Variants in NCAM2 observed in about 807,000 individuals in gnomAD.
NCAM2 encodes N-CAM-2.
NCAM2 carries 30 observed loss-of-function variants against 98.1 expected under a neutral mutation model. The ratio of observed to expected loss-of-function variants is 0.31; its 90% CI spans 0.23 to 0.41. NCAM2 has a LOEUF of 0.41. Ranked by LOEUF, NCAM2 falls within the 10% of genes least tolerant of loss-of-function variation. The pLI, the probability that NCAM2 is intolerant of heterozygous loss-of-function variation, is 1.00. For synonymous variants in NCAM2, 368 were observed against 342.4 expected, an observed-to-expected ratio of 1.07 and a Z score of -0.83; for missense variants, 867 against 1,005.8, an observed-to-expected ratio of 0.86 and a Z score of 1.87.
At chr21:21,347,663 ATTAC>A (rs1388915920) in intron 8 of NCAM2, among the ~76,000 whole-genome samples, 1 of 152,080 alleles carries the variant, frequency 6.6e-6, no homozygotes, top group Non-Finnish European at 1.5e-5. Context: ...CAAGGCCAGT[ATTAC>A]TTTGATACCT....
intron 1 of NCAM2, among the ~76,000 whole-genome samples, chr21:21,255,505 T>C (rs991737534): frequency 1.3e-5 from 2 of 152,244 alleles, no homozygotes; most frequent in Non-Finnish European, 2.9e-5. Context: ...GTGTTTCTGC[T>C]TCTGTGATGG....
intron 9 of NCAM2, among the ~76,000 whole-genome samples, chr21:21,390,778 T>A (rs919445657): frequency 6.6e-6 from 1 of 152,202 alleles, no homozygotes; most frequent in African/African-American, 2.4e-5. Flanking sequence ...AAAACATTAA[T>A]CACAGGGAAA....
intron 1 of NCAM2, among the ~76,000 whole-genome samples, chr21:21,260,558 C>T (rs928640843): frequency 1.4e-4 from 3 of 21,232 alleles, no homozygotes; most frequent in Non-Finnish European, 2.9e-4. Flanking sequence ...TTTTAGCCTT[C>T]TTGAAGAAAA....
At chr21:21,320,999 T>A (rs1363175118) in intron 5 of NCAM2, among the ~76,000 whole-genome samples, 1 of 152,132 alleles carries the variant, frequency 6.6e-6, no homozygotes, top group Non-Finnish European at 1.5e-5. Flanking sequence ...ATAAACTAAT[T>A]TGCTTTTCAT....
chr21:21,082,972 G>A (rs2065839341), intron 1 of NCAM2, among the ~76,000 whole-genome samples: 3 of 152,222 alleles, frequency 2.0e-5, no homozygotes, highest in Admixed American at 1.3e-4. Context: ...AGAAATCTGA[G>A]TTAGAGGTCT....
chr21:21,068,016 T>C (rs2065476154), intron 1 of NCAM2, among the ~76,000 whole-genome samples: 1 of 152,194 alleles, frequency 6.6e-6, no homozygotes. Flanking sequence ...GAAATAACTT[T>C]CTGATTGAGG....
chr21:21,087,783 T>C (rs955863722), intron 1 of NCAM2, among the ~76,000 whole-genome samples: 5 of 152,140 alleles, frequency 3.3e-5, no homozygotes, highest in Non-Finnish European at 7.3e-5. Flanking sequence ...ACCAGTCTTC[T>C]GTTTGGCTCT....
At chr21:21,378,656 G>A (rs1021400471) in intron 9 of NCAM2, among the ~76,000 whole-genome samples, 7 of 151,840 alleles carry the variant, frequency 4.6e-5, no homozygotes, top group African/African-American at 9.7e-5. Flanking sequence ...GCATACATTC[G>A]CATGTATATG....
intron 11 of NCAM2, among the ~76,000 whole-genome samples, chr21:21,422,266 A>G (rs2145975936): frequency 6.6e-6 from 1 of 152,324 alleles, no homozygotes; most frequent in African/African-American, 2.4e-5. Flanking sequence ...AACAGTGTGT[A>G]CACACATGGA....
At chr21:21,453,278 G>T (rs1239958182) in intron 12 of NCAM2, among the ~76,000 whole-genome samples, 1 of 151,124 alleles carries the variant, frequency 6.6e-6, no homozygotes, top group Non-Finnish European at 1.5e-5. Context: ...GAGTCAGCAG[G>T]GTCTGTGATG....
intron 3 of NCAM2, among the ~76,000 whole-genome samples, chr21:21,285,949 A>G (rs971488432): frequency 1.3e-4 from 19 of 151,920 alleles, no homozygotes; most frequent in African/African-American, 3.4e-4. Flanking sequence ...ACAAACTTGG[A>G]ATGTTCAAGG....
chr21:21,052,229 T>A (rs1215808577), intron 1 of NCAM2, among the ~76,000 whole-genome samples: 1 of 144,012 alleles, frequency 6.9e-6, no homozygotes, highest in Non-Finnish European at 1.5e-5. Context: ...ACTGGCAACA[T>A]CTCGGCCCAC....
At position 21,358,541 on chromosome 21, in the gene NCAM2, A is replaced by ACCC. The variant is rs746857616; in HGVS notation, c.1045-15322_1045-15321insCCC. On this transcript the variant is annotated intron_variant, in intron 8 of 17. Transcript: ENST00000400546. ...CATGAAACATTTGTTACTTAGAAAA[A>ACCC]TTATTACGGTTTTGATATTAAATAC... is the stretch of plus-strand genomic sequence containing the variant. Among the ~76,000 whole-genome samples the ACCC allele has an allele frequency of 5.8e-4, 89 of 152,198 alleles. 1 individual carries two copies. The highest frequency in any genetic ancestry group is 6.2e-4 in the South Asian group (3 of 4,834).
intron 1 of NCAM2, among the ~76,000 whole-genome samples, chr21:21,265,829 T>A (rs965498615): frequency 6.6e-6 from 1 of 152,054 alleles, no homozygotes; most frequent in East Asian, 1.9e-4. Flanking sequence ...ATTTGGGTGA[T>A]GGGCTCAAAC....
At chr21:21,506,780 A>G (rs1185918687) in intron 15 of NCAM2, among the ~76,000 whole-genome samples, 3 of 152,180 alleles carry the variant, frequency 2.0e-5, no homozygotes, top group Non-Finnish European at 4.4e-5. Flanking sequence ...AAAATTTGGT[A>G]TAGGAAGGTA....
At chr21:21,166,441 C>T (rs1279539811) in intron 1 of NCAM2, among the ~76,000 whole-genome samples, 3 of 151,676 alleles carry the variant, frequency 2.0e-5, no homozygotes, top group South Asian at 2.1e-4. Context: ...CCCCTGACCT[C>T]GTGATCCATC....
intron 8 of NCAM2, among the ~76,000 whole-genome samples, chr21:21,367,975 A>C (rs865791682): frequency 3.3e-5 from 5 of 151,924 alleles, no homozygotes; most frequent in Non-Finnish European, 7.4e-5. Context: ...CATTTTGACA[A>C]CTGTCTGTTG....
At chr21:21,254,668 A>G (rs1275499413) in intron 1 of NCAM2, among the ~76,000 whole-genome samples, 1 of 152,184 alleles carries the variant, frequency 6.6e-6, no homozygotes, top group African/African-American at 2.4e-5. Context: ...TCATTTCACC[A>G]TTTCCTTTGC....
chr21:21,044,515 A>C (rs903650944), intron 1 of NCAM2, among the ~76,000 whole-genome samples: 4 of 152,188 alleles, frequency 2.6e-5, no homozygotes, highest in Admixed American at 2.6e-4. Flanking sequence ...ATATTGTATA[A>C]ATAACTAGTC....
Sources: gnomAD v4.1 joint callset for allele counts (sites outside exome capture counted in the v4.1 genomes callset) on GRCh38, gnomAD v4.1.1 for gene constraint, MANE v1.5 for transcripts, NCBI Gene and HGNC (gene_info 2026-07-23, HGNC 2026-07-21) for gene names.